PCDHGA7: variants seen among roughly 807,000 people sequenced by gnomAD.
The protein encoded by PCDHGA7 is protocadherin gamma subfamily A, 7.
Under a neutral mutation model 58.3 loss-of-function variants are expected in PCDHGA7, and 44 were observed. The observed-to-expected ratio is 0.75, with a 90% confidence interval of 0.59 to 0.97. The LOEUF (loss-of-function observed/expected upper bound fraction) is 0.97. Among genes scored for constraint, PCDHGA7 ranks in the 50% least tolerant of loss-of-function variants. The probability of loss-of-function intolerance (pLI) is 0.00; values close to 1 mark genes in which losing one functional copy is unlikely to be tolerated. For missense variants in PCDHGA7, 1,266 were observed against 1,188.7 expected, an observed-to-expected ratio of 1.06 and a Z score of -0.96; for synonymous variants, 516 against 504.2, an observed-to-expected ratio of 1.02 and a Z score of -0.31.
chr5:141,496,251 G>A (rs746722054), intron 2 of PCDHGA7, among the ~76,000 whole-genome samples: 7 of 152,150 alleles, frequency 4.6e-5, no homozygotes, highest in African/African-American at 7.2e-5. Context: ...TGAAGGGGAG[G>A]GAAACTTCAG....
At chr5:141,403,060 T>G (rs2094346399) in intron 1 of PCDHGA7, 2 of 1,614,042 alleles carry the variant, frequency 1.2e-6, no homozygotes, top group Non-Finnish European at 8.5e-7. Flanking sequence ...ACTCAGTGCC[T>G]GAAGAGACAG....
At chr5:141,410,177 A>G in intron 1 of PCDHGA7, 1 of 1,613,626 alleles carries the variant, frequency 6.2e-7, no homozygotes, top group Non-Finnish European at 8.5e-7. Context: ...TGCCACCGCC[A>G]CGCTTCATCT....
chr5:141,476,236 AAG>A lies in PCDHGA7; in HGVS notation c.2425-18565_2425-18564del. ...TCATTCACTATGAGATCCCGGAGGA[AAG>A]AGAGAAGGGTTTCGCTGTGGGCAAC... is the stretch of plus-strand genomic sequence containing the variant. On this transcript the variant is annotated intron_variant, in intron 1 of 3. Transcript: ENST00000518325. The surrounding 1 kb of genome is among the most constrained non-coding windows in gnomAD (Gnocchi z 7.6). 2.5e-6 allele frequency: 4 copies of A among 1,613,980 alleles called. No individual in the cohort carries two copies. Among genetic ancestry groups the A allele is most frequent in the Non-Finnish European group, 3.4e-6 (4 of 1,180,004 alleles).
Position 141,384,336 on chromosome 5 carries a change from C to T in PCDHGA7, c.1437C>T (p.His479=), listed in dbSNP as rs1779973302. The change falls in exon 1 of 4, where the codon CAC becomes CAT. Residue 479 remains histidine, a synonymous_variant. Transcript: ENST00000518325. ...TTTTCTTAGTGACTGCACAGGACCA[C>T]GACAGTGAGGATAATGCCCAGATCA... The part of the protein sequence containing the change: ...ASIFLVTAQD[H]DSEDNAQITY... 9 of 1,613,748 alleles carry T rather than the reference C, an allele frequency of 5.6e-6. No homozygotes were observed. The East Asian group carries it at 1.1e-4, about 20-fold the overall frequency.
Position 141,490,046 on chromosome 5 carries a change from C to A in PCDHGA7, c.2425-4761C>A, listed in dbSNP as rs2099695274. ...CTGCTCCGCCTCAATGCCACTGATC[C>A]AGACGAGGGCACCAACGGCCAACTA... On this transcript the variant is annotated intron_variant, in intron 1 of 3. Transcript: ENST00000518325. This position sits in a 1 kb window ranked among gnomAD's most constrained non-coding sequence, Gnocchi z 5.4. 1 of 1,614,094 alleles carries A rather than the reference C, an allele frequency of 6.2e-7. No individual in the cohort carries two copies.
Position 141,509,375 on chromosome 5 carries a change from T to C in PCDHGA7, c.2573-1572T>C, listed in dbSNP as rs1450730489. Among the ~76,000 whole-genome samples, 6 of 152,168 alleles carry C rather than the reference T, an allele frequency of 3.9e-5. No homozygotes were observed. In the East Asian group the frequency reaches 1.2e-3, roughly 29 times the overall value. On this transcript the variant is annotated intron_variant, in intron 3 of 3. Coordinates refer to ENST00000518325, the MANE Select transcript of PCDHGA7 (RefSeq NM_018920.4). ...GGGCATCCCTGAGGTTTTAACTGTC[T>C]CCTAACCACAGAGGATCTCAGGGCC...
chr5:141,481,900 C>T (rs949418188), intron 1 of PCDHGA7, among the ~76,000 whole-genome samples: 13 of 126,002 alleles, frequency 1.0e-4, no homozygotes, highest in African/African-American at 3.2e-4. Flanking sequence ...GGTGAAAGAG[C>T]GAAACTCCAT....
In PCDHGA7 at chr5:141,390,133, A is replaced by G. The variant is rs1394678030; in HGVS notation, c.2424+4810A>G. ...AGCGAGGGGACTTTGCCTTATTCCT[A>G]CAATCTATGTGTTGCACATACAGGA... On this transcript the variant is annotated intron_variant, in intron 1 of 3. Coordinates refer to ENST00000518325, the MANE Select transcript of PCDHGA7 (RefSeq NM_018920.4). The G allele has an allele frequency of 3.1e-6, 5 of 1,614,040 alleles. No individual in the cohort carries two copies. The South Asian group carries it at 5.5e-5, about 18-fold the overall frequency.
chr5:141,444,240 C>A (rs1017550385), intron 1 of PCDHGA7, among the ~76,000 whole-genome samples: 1 of 128,688 alleles, frequency 7.8e-6, no homozygotes, highest in Admixed American at 9.7e-5. Flanking sequence ...GGCATGCTCT[C>A]GGCTCACTGC....
In PCDHGA7 at chr5:141,489,844, C is replaced by G. The variant is rs1004902910; in HGVS notation, c.2425-4963C>G. Reference sequence around the variant, plus strand: ...GCTGGTGCTAGAGCAGCAGCTGGATCGTGAAGCCCAGGCAAGACATCAGCT... The same window carrying G: ...GCTGGTGCTAGAGCAGCAGCTGGATGGTGAAGCCCAGGCAAGACATCAGCT... On this transcript the variant is annotated intron_variant, in intron 1 of 3. Coordinates refer to ENST00000518325, the MANE Select transcript of PCDHGA7 (RefSeq NM_018920.4). The surrounding 1 kb of genome is among the most constrained non-coding windows in gnomAD (Gnocchi z 4.5). The G allele has an allele frequency of 1.2e-6, 2 of 1,614,030 alleles. No individual in the cohort carries two copies. Among genetic ancestry groups the G allele is most frequent in the Non-Finnish European group, 8.5e-7 (1 of 1,179,990 alleles).
chr5:141,409,904 G>T lies in PCDHGA7; in HGVS notation c.2424+24581G>T, dbSNP rs757396196. 10 of 1,613,278 alleles carry T rather than the reference G, an allele frequency of 6.2e-6. No homozygotes were observed. The South Asian group carries it at 1.1e-4, about 18-fold the overall frequency. On this transcript the variant is annotated intron_variant, in intron 1 of 3. Coordinates refer to ENST00000518325, the MANE Select transcript of PCDHGA7 (RefSeq NM_018920.4). ...ACCGCGGGTGCTGTACCCAGCTCTGGGTCCTGACGGCTCCGCGTTCTTCGA... is the reference window on the plus strand; with the variant it reads ...ACCGCGGGTGCTGTACCCAGCTCTGTGTCCTGACGGCTCCGCGTTCTTCGA...
At chr5:141,455,686 G>A (rs1282071031) in intron 1 of PCDHGA7, among the ~76,000 whole-genome samples, 1 of 152,094 alleles carries the variant, frequency 6.6e-6, no homozygotes. Context: ...AAGGCTGTGG[G>A]AATCGCCAAG....
chr5:141,494,894 C>A, intron 2 of PCDHGA7, 29 bp downstream of exon 2: 1 of 1,614,116 alleles, frequency 6.2e-7, no homozygotes, highest in South Asian at 1.1e-5. Flanking sequence ...AGCCCACCCT[C>A]TTCTCTGCGG....
chr5:141,387,668 A>C, intron 1 of PCDHGA7: 1 of 689,820 alleles, frequency 1.4e-6, no homozygotes, highest in Non-Finnish European at 2.4e-6. Flanking sequence ...GGCGCTCCAG[A>C]TCTCCTCGCG....
intron 1 of PCDHGA7, chr5:141,403,617 G>C: frequency 6.2e-7 from 1 of 1,613,856 alleles, no homozygotes; most frequent in Non-Finnish European, 8.5e-7. Flanking sequence ...GAGCCGCGTC[G>C]CTCCAGCACA....
At chr5:141,467,185 TG>T (rs1295935271) in intron 1 of PCDHGA7, among the ~76,000 whole-genome samples, 1 of 152,004 alleles carries the variant, frequency 6.6e-6, no homozygotes, top group African/African-American at 2.4e-5. Context: ...CCCAAGTAGC[TG>T]GGATTACAGG....
At chr5:141,449,251 A>T (rs918418872) in intron 1 of PCDHGA7, among the ~76,000 whole-genome samples, 10 of 152,256 alleles carry the variant, frequency 6.6e-5, no homozygotes, top group Middle Eastern at 3.4e-3. Flanking sequence ...AGTTGCAAGA[A>T]TTGTACAAAG....
At chr5:141,397,216 T>C (rs772120141) in intron 1 of PCDHGA7, among the ~76,000 whole-genome samples, 32 of 152,186 alleles carry the variant, frequency 2.1e-4, no homozygotes, top group Non-Finnish European at 4.1e-4. Context: ...AGAGAAGTAT[T>C]TTGAGATATG....
intron 1 of PCDHGA7, chr5:141,391,541 G>T (rs2092385789): frequency 6.6e-6 from 1 of 152,056 alleles, no homozygotes; most frequent in South Asian, 2.1e-4. Flanking sequence ...GGTTTCCATT[G>T]TCTACCCAGT....
Sources: allele counts gnomAD v4.1 joint callset (sites outside exome capture counted in the v4.1 genomes callset), GRCh38; gene constraint gnomAD v4.1.1; non-coding constraint Gnocchi (gnomAD v3.1); transcripts MANE v1.5; gene names NCBI Gene and HGNC (gene_info 2026-07-23, HGNC 2026-07-21).